The following MYO5B variants were observed in gnomAD, a reference collection of about 807,000 sequenced individuals.
MYO5B encodes the protein myosin VB.
MYO5B carries 143 observed loss-of-function variants against 229.3 expected under a neutral mutation model. The ratio of observed to expected loss-of-function variants is 0.62; its 90% CI spans 0.54 to 0.72. The LOEUF (loss-of-function observed/expected upper bound fraction) is 0.72, where lower values mean the gene tolerates loss of function less well. Among genes scored for constraint, MYO5B ranks in the 30% least tolerant of loss-of-function variants. MYO5B has a pLI of 0.00. For missense variants in MYO5B, 2,321 were observed against 2,331.0 expected (o/e 1.00, Z 0.09); for synonymous variants, 918 against 885.2 (o/e 1.04, Z -0.66).
intron 10 of MYO5B, among the ~76,000 whole-genome samples, chr18:49,964,609 G>A (rs1853231561): frequency 6.6e-6 from 1 of 152,130 alleles, no homozygotes; most frequent in South Asian, 2.1e-4. Flanking sequence ...GCTTTTTAAA[G>A]TCTTTGGTTC....
chr18:50,106,441 T>TTCA (rs989317596), intron 1 of MYO5B, among the ~76,000 whole-genome samples: 33 of 152,328 alleles, frequency 2.2e-4, no homozygotes, highest in African/African-American at 7.7e-4. Context: ...TCATCTGGCC[T>TTCA]TCATCATCTG....
At position 49,864,435 on chromosome 18, in the gene MYO5B, C is replaced by T. The variant is rs4939898; in HGVS notation, c.3604-55G>A. The T allele has an allele frequency of 0.063, 101,197 of 1,597,366 alleles. 3,691 individuals are homozygous for T. Among genetic ancestry groups the T allele is most frequent in the African/African-American group, 0.15 (11,370 of 74,732 alleles). ...TACTCCCTGCCCTAGGGCTCTCTCCCTGTGTGGGCCTCCCCTCCTCCCCTT... is the reference window on the plus strand; with the variant it reads ...TACTCCCTGCCCTAGGGCTCTCTCCTTGTGTGGGCCTCCCCTCCTCCCCTT... On this transcript the variant is annotated intron_variant, in intron 27 of 39. Coordinates refer to ENST00000285039, the MANE Select transcript of MYO5B (RefSeq NM_001080467.3).
chr18:50,053,896 C>T (rs1489569511), intron 2 of MYO5B, among the ~76,000 whole-genome samples: 1 of 152,186 alleles, frequency 6.6e-6, no homozygotes, highest in Non-Finnish European at 1.5e-5. Context: ...CAACCCAAAC[C>T]TTTTCTCCAA....
intron 34 of MYO5B, 123 bp downstream of exon 34, chr18:49,843,118 A>G (rs2024080001): frequency 7.9e-7 from 1 of 1,269,616 alleles, no homozygotes; most frequent in Admixed American, 1.9e-5. Context: ...TGGCTCATTT[A>G]CCTTCAAAGT....
At chr18:49,904,590 G>A (rs966579110) in intron 20 of MYO5B, 82 bp downstream of exon 20, 13 of 1,568,270 alleles carry the variant, frequency 8.3e-6, no homozygotes, top group Non-Finnish European at 1.1e-5. Context: ...GTGCTTGACA[G>A]AGGTTCACGT....
rs758821508 is a variant in MYO5B, at chr18:49,906,624, C to T, written c.2209G>A (p.Asp737Asn). Residue 737 changes from aspartate (D) to asparagine (N), a missense_variant, in exon 19 of 40, where the codon GAC (aspartate) becomes AAC (asparagine). Asp to Asn is a conservative substitution (Grantham distance 23). Around this residue, in one of 2 missense-constraint regions of MYO5B, gnomAD observed 2,113 missense variants for 2,044.7 expected, o/e 1.03. Coordinates refer to ENST00000285039, the MANE Select transcript of MYO5B (RefSeq NM_001080467.3). ...SVLENLIKDP[D>N]KFQFGRTKIF... ...TTGGTGCGGCCAAACTGGAACTTGT[C>T]GGGGTCCTTTACAAGGTAGGGAGGG... 2.5e-5 allele frequency: 41 copies of T among 1,613,756 alleles called. No individual in the cohort carries two copies. In the East Asian group the frequency reaches 2.7e-4, roughly 11 times the overall value.
chr18:49,833,105 TAG>T (rs1010171689), intron 39 of MYO5B, among the ~76,000 whole-genome samples: 2 of 152,306 alleles, frequency 1.3e-5, no homozygotes, highest in African/African-American at 2.4e-5. Context: ...GAAGAAATTT[TAG>T]AGAGTATAAA....
In MYO5B at chr18:49,880,376, G is replaced by C. The variant is rs1331259142; in HGVS notation, c.3125C>G (p.Ser1042Cys). 6 of 1,613,522 alleles carry C rather than the reference G, an allele frequency of 3.7e-6. No homozygotes were observed. In the African/African-American group the frequency reaches 6.7e-5, roughly 18 times the overall value. Residue 1042 changes from serine to cysteine, a missense_variant, in exon 23 of 40, where the codon TCT becomes TGT. Physicochemically the swap from Ser to Cys is moderately radical, Grantham distance 112. This residue lies in a region of MYO5B where 2,113 missense variants were observed against 2,044.7 expected (regional missense o/e 1.03). Transcript: ENST00000285039. ...EQLNNQILCQ[S>C]KDEFAQNSVK... ...TCAAGTGCTTTGGTACTTACCTTTA[G>C]ACTGGCACAGGATTTGGTTGTTGAG...
chr18:50,144,571 C>G (rs138153894), intron 1 of MYO5B, among the ~76,000 whole-genome samples: 126 of 152,280 alleles, frequency 8.3e-4, no homozygotes, highest in African/African-American at 2.9e-3. Context: ...CCATGAGCTA[C>G]ATATACACAG....
intron 1 of MYO5B, among the ~76,000 whole-genome samples, chr18:50,187,528 C>T (rs183972145): frequency 3.4e-5 from 5 of 148,292 alleles, no homozygotes; most frequent in East Asian, 4.1e-4. Flanking sequence ...GGGGGGTGGG[C>T]GGTGGGCAGA....
At chr18:50,014,294 A>AAAAAAAAAAAC (rs1555651334) in intron 4 of MYO5B, among the ~76,000 whole-genome samples, 1 of 141,640 alleles carries the variant, frequency 7.1e-6, no homozygotes. Flanking sequence ...AAAAAAAAAA[A>AAAAAAAAAAAC]AACTACGGGT....
intron 5 of MYO5B, among the ~76,000 whole-genome samples, chr18:49,993,939 T>G (rs1400326086): frequency 6.6e-6 from 1 of 152,166 alleles, no homozygotes; most frequent in African/African-American, 2.4e-5. Context: ...CTTCCCTGCC[T>G]CTAATCTTGC....
intron 27 of MYO5B, among the ~76,000 whole-genome samples, chr18:49,865,351 C>T (rs1359761288): frequency 6.6e-6 from 1 of 152,132 alleles, no homozygotes; most frequent in Non-Finnish European, 1.5e-5. Context: ...GTGGTGATTT[C>T]CAGAAGATTT....
chr18:50,080,129 C>T (rs2031183439), intron 1 of MYO5B, among the ~76,000 whole-genome samples: 1 of 152,300 alleles, frequency 6.6e-6, no homozygotes, highest in African/African-American at 2.4e-5. Context: ...CCCAAACAAG[C>T]TCTGGACTCA....
At chr18:49,872,025 A>G (rs1264956797) in intron 27 of MYO5B, 142 bp downstream of exon 27, 4 of 810,758 alleles carry the variant, frequency 4.9e-6, no homozygotes, top group Non-Finnish European at 8.8e-6. Context: ...AAGAAACTAC[A>G]GCATGGAAAA....
At chr18:49,861,540 G>A (rs1189025270) in intron 29 of MYO5B, among the ~76,000 whole-genome samples, 1 of 152,198 alleles carries the variant, frequency 6.6e-6, no homozygotes, top group Non-Finnish European at 1.5e-5. Flanking sequence ...CACTGAGAGA[G>A]TCACCTTCAT....
chr18:49,955,528 CA>C (rs1296690631), intron 12 of MYO5B, among the ~76,000 whole-genome samples: 1 of 152,154 alleles, frequency 6.6e-6, no homozygotes, highest in Admixed American at 6.5e-5. Context: ...TAGCCGTTTA[CA>C]AAGGGATTTT....
At chr18:50,007,420 C>T (rs942221045) in intron 4 of MYO5B, among the ~76,000 whole-genome samples, 1 of 152,190 alleles carries the variant, frequency 6.6e-6, no homozygotes, top group African/African-American at 2.4e-5. Context: ...AGCTTTCCAG[C>T]CTGTACTCTC....
chr18:50,106,713 T>G (rs2031767301), intron 1 of MYO5B, among the ~76,000 whole-genome samples: 1 of 152,220 alleles, frequency 6.6e-6, no homozygotes, highest in African/African-American at 2.4e-5. Flanking sequence ...GTGCCTCCCC[T>G]GACACAACCC....
Sources: gnomAD v4.1 joint callset for allele counts (sites outside exome capture counted in the v4.1 genomes callset) on GRCh38, gnomAD v4.1.1 for gene constraint, gnomAD v4.1.1 regional missense constraint, MANE v1.5 for transcripts, NCBI Gene and HGNC (gene_info 2026-07-23, HGNC 2026-07-21) for gene names.